Variants in CHD9 observed in about 807,000 individuals in gnomAD.
The protein encoded by CHD9 is chromodomain helicase DNA binding protein 9.
Under a neutral mutation model 316.1 loss-of-function variants are expected in CHD9, and 77 were observed. That is an observed-to-expected ratio of 0.24 (90% CI 0.20 to 0.29). CHD9 has a LOEUF of 0.29. Among genes scored for constraint, CHD9 ranks in the 10% least tolerant of loss-of-function variants. CHD9 has a pLI of 1.00. For missense variants in CHD9, 2,763 were observed against 3,438.1 expected (o/e 0.80, Z 4.91); for synonymous variants, 1,129 against 1,158.3 (o/e 0.97, Z 0.51).
chr16:53,171,571 C>T (rs1378613800), intron 2 of CHD9, among the ~76,000 whole-genome samples: 1 of 152,000 alleles, frequency 6.6e-6, no homozygotes, highest in Non-Finnish European at 1.5e-5. Flanking sequence ...CCAAAAGGAC[C>T]AGACGCTGTG....
intron 1 of CHD9, among the ~76,000 whole-genome samples, chr16:53,121,114 T>C (rs2038711680): frequency 6.6e-6 from 1 of 152,256 alleles, no homozygotes; most frequent in African/African-American, 2.4e-5. Flanking sequence ...AATTACTGTT[T>C]ATTTGCTTTA....
intron 1 of CHD9, among the ~76,000 whole-genome samples, chr16:53,126,289 T>C (rs2038965387): frequency 6.6e-6 from 1 of 152,166 alleles, no homozygotes; most frequent in South Asian, 2.1e-4. Context: ...CCACCATTGG[T>C]TTAAAGGACT....
chr16:53,086,355 C>A (rs575804165), intron 1 of CHD9, among the ~76,000 whole-genome samples: 2 of 152,264 alleles, frequency 1.3e-5, no homozygotes, highest in East Asian at 1.9e-4. Flanking sequence ...GGGTCTGTGC[C>A]GCACCAATTA....
At chr16:53,132,793 CTTTTTTTTTTTT>C (rs748626858) in intron 1 of CHD9, among the ~76,000 whole-genome samples, 1 of 68,504 alleles carries the variant, frequency 1.5e-5, no homozygotes. Flanking sequence ...TCTAATTCTG[CTTTTTTTTTTTT>C]TTTTTTTTTT....
At position 53,231,440 on chromosome 16, in the gene CHD9, C is replaced by A. The variant is rs1332244950; in HGVS notation, c.2308C>A (p.Pro770Thr). The A allele has an allele frequency of 1.3e-6, 2 of 1,596,278 alleles. No individual in the cohort carries two copies. Among genetic ancestry groups the A allele is most frequent in the Non-Finnish European group, 1.7e-6 (2 of 1,165,966 alleles). Residue 770 changes from proline to threonine, a missense_variant, in exon 9 of 39, where the codon CCA (proline) becomes ACA (threonine). Physicochemically the swap from Pro to Thr is conservative, Grantham distance 38 (BLOSUM62 -1). Around this residue, in one of 15 missense-constraint regions of CHD9, gnomAD observed 186 missense variants for 245.0 expected, o/e 0.76. Coordinates refer to ENST00000447540, the MANE Select transcript of CHD9 (RefSeq NM_001308319.2). ...FADMEEEPFN[P>T]DYVEVDRVLE... The stretch of plus-strand genomic sequence containing the variant: ...TTAGATGGAAGAAGAACCATTTAAC[C>A]CAGACTACGTTGAAGTAGACAGAGT...
intron 3 of CHD9, among the ~76,000 whole-genome samples, chr16:53,219,591 G>C (rs1018316913): frequency 1.2e-4 from 19 of 152,032 alleles, no homozygotes; most frequent in African/African-American, 4.6e-4. Context: ...GCCAAGAAAG[G>C]GGCCAAAAGG....
At chr16:53,123,252 A>G (rs912850373) in intron 1 of CHD9, among the ~76,000 whole-genome samples, 1 of 151,646 alleles carries the variant, frequency 6.6e-6, no homozygotes, top group Non-Finnish European at 1.5e-5. Flanking sequence ...TAGTGTATTC[A>G]GAGTTGTGCA....
intron 2 of CHD9, among the ~76,000 whole-genome samples, chr16:53,202,083 G>T (rs539011575): frequency 4.7e-4 from 72 of 151,912 alleles, no homozygotes; most frequent in African/African-American, 1.6e-3. Flanking sequence ...GCTGGCCTTG[G>T]ACTCCTGGCC....
At chr16:53,314,781 TA>T in intron 35 of CHD9, 41 bp from the exon 36 acceptor site, 1 of 1,396,034 alleles carries the variant, frequency 7.2e-7, no homozygotes, top group Non-Finnish European at 1.0e-6. Flanking sequence ...ATTAGAATGA[TA>T]AAGTATGAAA....
intron 2 of CHD9, among the ~76,000 whole-genome samples, chr16:53,194,310 G>T (rs939350467): frequency 8.5e-5 from 13 of 152,152 alleles, no homozygotes; most frequent in Admixed American, 2.0e-4. Flanking sequence ...GGGTGCAGTG[G>T]CTCATGCCTA....
intron 1 of CHD9, among the ~76,000 whole-genome samples, chr16:53,113,897 G>A (rs936689314): frequency 6.6e-6 from 1 of 151,944 alleles, no homozygotes; most frequent in African/African-American, 2.4e-5. Flanking sequence ...TTTAGAGATA[G>A]GAGTCTTGAT....
At chr16:53,310,739 T>C (rs945621607) in intron 34 of CHD9, 1 of 149,750 alleles carries the variant, frequency 6.7e-6, no homozygotes, top group African/African-American at 2.5e-5. Context: ...GATTCCCAGC[T>C]ACTCAGGAGG....
chr16:53,283,920 T>A (rs2053636428), intron 24 of CHD9, among the ~76,000 whole-genome samples: 2 of 152,186 alleles, frequency 1.3e-5, no homozygotes, highest in African/African-American at 4.8e-5. Flanking sequence ...CAAATAAATT[T>A]GTTTCCATTT....
chr16:53,179,221 T>C (rs2043304424), intron 2 of CHD9, among the ~76,000 whole-genome samples: 1 of 152,222 alleles, frequency 6.6e-6, no homozygotes, highest in African/African-American at 2.4e-5. Flanking sequence ...AATGACATTC[T>C]TCTATACAAC....
At chr16:53,288,130 C>A in intron 27 of CHD9, 116 bp downstream of exon 27, 1 of 741,498 alleles carries the variant, frequency 1.3e-6, no homozygotes, top group East Asian at 2.7e-5. Context: ...TTCTGTTCCT[C>A]AGATTAGCTA....
intron 32 of CHD9, 116 bp from the exon 33 acceptor site, chr16:53,307,565 A>G: frequency 1.2e-6 from 1 of 801,658 alleles, no homozygotes; most frequent in East Asian, 2.7e-5. Context: ...ATATGTATGC[A>G]TAGCACATAC....
At chr16:53,064,966 C>CAAGA (rs375948196) in intron 1 of CHD9, among the ~76,000 whole-genome samples, 14 of 151,358 alleles carry the variant, frequency 9.2e-5, no homozygotes, top group South Asian at 2.1e-4. Context: ...AAGACTCTGT[C>CAAGA]AAGAAAGAAA....
At chr16:53,097,917 C>T (rs1277230589) in intron 1 of CHD9, among the ~76,000 whole-genome samples, 1 of 151,962 alleles carries the variant, frequency 6.6e-6, no homozygotes, top group Non-Finnish European at 1.5e-5. Context: ...GTCAGGAGTT[C>T]GAGCCCAGCC....
At chr16:53,057,375 C>T (rs1245079986) in intron 1 of CHD9, among the ~76,000 whole-genome samples, 3 of 151,428 alleles carry the variant, frequency 2.0e-5, no homozygotes, top group Admixed American at 6.6e-5. Context: ...GAAAAAAGGC[C>T]GGGTGCAGTG....
Sources: allele counts gnomAD v4.1 joint callset (sites outside exome capture counted in the v4.1 genomes callset), GRCh38; gene constraint gnomAD v4.1.1; regional missense constraint gnomAD v4.1.1; transcripts MANE v1.5; gene names NCBI Gene and HGNC (gene_info 2026-07-23, HGNC 2026-07-21).